PCDHA2: variants seen among roughly 807,000 people sequenced by gnomAD.
PCDHA2 encodes protocadherin alpha 2.
PCDHA2 carries 58 observed loss-of-function variants against 66.0 expected under a neutral mutation model. The observed-to-expected ratio is 0.88, with a 90% CI of 0.71 to 1.09. PCDHA2 has a LOEUF of 1.09. Ranked by LOEUF, PCDHA2 falls within the 50% of genes least tolerant of loss-of-function variation. PCDHA2 has a pLI of 0.00. For missense variants in PCDHA2, 1,267 were observed against 1,242.3 expected (o/e 1.02, Z -0.30); for synonymous variants, 634 against 554.0 (o/e 1.14, Z -2.03).
intron 1 of PCDHA2, among the ~76,000 whole-genome samples, chr5:140,833,648 T>C (rs1554133916): frequency 6.6e-6 from 1 of 152,200 alleles, no homozygotes. Flanking sequence ...GTTCACATGA[T>C]ACAAATTCTT....
intron 1 of PCDHA2, chr5:140,812,869 C>T (rs186050510): frequency 2.7e-4 from 41 of 152,216 alleles, no homozygotes; most frequent in Admixed American, 2.4e-3. Flanking sequence ...CTTTTGATTT[C>T]CCCTTTCATT....
chr5:140,954,271 A>G (rs1284942355), intron 1 of PCDHA2, among the ~76,000 whole-genome samples: 2 of 152,140 alleles, frequency 1.3e-5, no homozygotes, highest in South Asian at 2.1e-4. Context: ...TTATAATAGG[A>G]TGATTTATAT....
At chr5:140,845,671 T>C (rs1293125751) in intron 1 of PCDHA2, among the ~76,000 whole-genome samples, 5 of 149,692 alleles carry the variant, frequency 3.3e-5, no homozygotes, top group Non-Finnish European at 4.5e-5. Flanking sequence ...GTGTAGCCAT[T>C]GGTAAAGGAT....
At chr5:140,946,019 C>T (rs1014072062) in intron 1 of PCDHA2, among the ~76,000 whole-genome samples, 2 of 151,732 alleles carry the variant, frequency 1.3e-5, no homozygotes, top group African/African-American at 2.4e-5. Context: ...TCCTGCGCAG[C>T]AAAGAAAACA....
At chr5:141,000,421 A>ATTTTTTTTT (rs34755515) in intron 3 of PCDHA2, among the ~76,000 whole-genome samples, 3 of 27,980 alleles carry the variant, frequency 1.1e-4, no homozygotes, top group African/African-American at 1.8e-4. Flanking sequence ...ATATATATAT[A>ATTTTTTTTT]TTTTTTTTTT....
At chr5:141,004,597 C>CTTAG (rs1554259623) in intron 3 of PCDHA2, among the ~76,000 whole-genome samples, 1 of 152,218 alleles carries the variant, frequency 6.6e-6, no homozygotes, top group African/African-American at 2.4e-5. Flanking sequence ...GATGACAGTG[C>CTTAG]TTAGGCCTCA....
At chr5:140,942,543 G>C (rs1272048967) in intron 1 of PCDHA2, among the ~76,000 whole-genome samples, 1 of 152,056 alleles carries the variant, frequency 6.6e-6, no homozygotes, top group Non-Finnish European at 1.5e-5. Flanking sequence ...GTATGGTGGG[G>C]GGTAGGGGGT....
chr5:140,965,216 A>G (rs2095880887), intron 1 of PCDHA2, among the ~76,000 whole-genome samples: 1 of 152,224 alleles, frequency 6.6e-6, no homozygotes, highest in Non-Finnish European at 1.5e-5. Context: ...TTCCTGTGGA[A>G]GAAATGTGAG....
intron 1 of PCDHA2, chr5:140,809,659 C>G: frequency 6.7e-7 from 1 of 1,484,776 alleles, no homozygotes; most frequent in Non-Finnish European, 9.0e-7. Flanking sequence ...AGTCAAATTT[C>G]CCTGGGTTAA....
At chr5:140,801,656 G>C in intron 1 of PCDHA2, 3 of 1,614,186 alleles carry the variant, frequency 1.9e-6, no homozygotes, top group Admixed American at 1.7e-5. Context: ...CTCGGTTTTC[G>C]CTAGAGGGCG....
At chr5:140,850,112 C>A (rs2150468097) in intron 1 of PCDHA2, 1 of 1,596,024 alleles carries the variant, frequency 6.3e-7, no homozygotes, top group Non-Finnish European at 8.6e-7. Context: ...GCGCGCGCGA[C>A]GCGGGCGTGC....
intron 3 of PCDHA2, among the ~76,000 whole-genome samples, chr5:140,985,402 C>T (rs1554247027): frequency 6.6e-6 from 1 of 152,118 alleles, no homozygotes; most frequent in African/African-American, 2.4e-5. Context: ...CAACTGTTCC[C>T]CTGGAAATGG....
At chr5:140,931,260 T>C (rs576177407) in intron 1 of PCDHA2, among the ~76,000 whole-genome samples, 104 of 152,274 alleles carry the variant, frequency 6.8e-4, no homozygotes, top group East Asian at 3.1e-3. Flanking sequence ...GAAATTTCAC[T>C]ATTTATTTCT....
intron 1 of PCDHA2, chr5:140,881,303 C>A: frequency 2.1e-6 from 2 of 962,604 alleles, no homozygotes; most frequent in Non-Finnish European, 2.5e-6. Flanking sequence ...GAAACTTTAA[C>A]CTCCTGGTTA....
At chr5:140,893,768 CT>C (rs1171880038) in intron 1 of PCDHA2, among the ~76,000 whole-genome samples, 1 of 152,132 alleles carries the variant, frequency 6.6e-6, no homozygotes, top group Non-Finnish European at 1.5e-5. Flanking sequence ...TGACTTGTCA[CT>C]TTTCTTTTAC....
At chr5:140,965,237 G>A (rs2095882583) in intron 1 of PCDHA2, among the ~76,000 whole-genome samples, 1 of 152,204 alleles carries the variant, frequency 6.6e-6, no homozygotes, top group African/African-American at 2.4e-5. Context: ...AACCTGGGAA[G>A]AGTGAATATT....
At chr5:140,816,324 G>A (rs2126670653) in intron 1 of PCDHA2, 52 of 152,128 alleles carry the variant, frequency 3.4e-4, no homozygotes, top group African/African-American at 1.3e-3. Flanking sequence ...TTCAATTATT[G>A]TATTCTTCAG....
At chr5:140,869,884 G>T in intron 1 of PCDHA2, 1 of 1,610,394 alleles carries the variant, frequency 6.2e-7, no homozygotes, top group Non-Finnish European at 8.5e-7. Flanking sequence ...AGAAACTCTT[G>T]TGCTCAAACT....
At chr5:140,822,349 G>A (rs2150115734) in intron 1 of PCDHA2, 3 of 1,614,156 alleles carry the variant, frequency 1.9e-6, no homozygotes, top group Admixed American at 3.3e-5. Flanking sequence ...GAACTTTTTA[G>A]AGCTGGTTTT....
Sources: gnomAD v4.1 joint callset for allele counts (sites outside exome capture counted in the v4.1 genomes callset) on GRCh38, gnomAD v4.1.1 for gene constraint, MANE v1.5 for transcripts, NCBI Gene and HGNC (gene_info 2026-07-23, HGNC 2026-07-21) for gene names.